The following ACO1 variants were observed in gnomAD, a reference collection of about 807,000 sequenced individuals.
The protein encoded by ACO1 is aconitase 1, also known as cytoplasmic aconitate hydratase.
In ACO1, 78 loss-of-function variants were observed where a neutral mutation model predicts 105.1. The ratio of observed to expected loss-of-function variants is 0.74; its 90% confidence interval spans 0.62 to 0.90. The LOEUF (loss-of-function observed/expected upper bound fraction) is 0.90. Ranked by LOEUF, ACO1 falls within the 40% of genes least tolerant of loss-of-function variation. The pLI is 0.00. For synonymous variants in ACO1, 364 were observed against 397.4 expected, an observed-to-expected ratio of 0.92 and a Z score of 1.00; for missense variants, 965 against 1,111.1, an observed-to-expected ratio of 0.87 and a Z score of 1.87.
intron 8 of ACO1, among the ~76,000 whole-genome samples, chr9:32,423,103 A>G (rs561932722): frequency 6.6e-6 from 1 of 152,322 alleles, no homozygotes; most frequent in East Asian, 1.9e-4. Context: ...TTTGATAGGA[A>G]CAGCACATTC....
At position 32,444,027 on chromosome 9, in the gene ACO1, G is replaced by A. The variant is rs144038649; in HGVS notation, c.2370+3440G>A. ...GATGTTCCCCTCCCTGTGTTCATGG[G>A]TTCTCATTGTTCAACTCCCACTTAT... On this transcript the variant is annotated intron_variant, in intron 19 of 20. Transcript: ENST00000309951. 1.1e-3 allele frequency among the ~76,000 whole-genome samples: 158 copies of A among 149,308 alleles called. 1 individual carries two copies. Among genetic ancestry groups the A allele is most frequent in the African/African-American group, 3.8e-3 (153 of 40,524 alleles).
At chr9:32,399,966 G>GTTTTTTTTTTTTTT (rs57615512) in intron 1 of ACO1, among the ~76,000 whole-genome samples, 9 of 69,842 alleles carry the variant, frequency 1.3e-4, no homozygotes, top group Admixed American at 2.2e-4. Flanking sequence ...TTCTTTTTCT[G>GTTTTTTTTTTTTTT]TTTTTTTTTT....
chr9:32,430,647 C>A, intron 14 of ACO1, 73 bp downstream of exon 14: 1 of 1,478,686 alleles, frequency 6.8e-7, no homozygotes, highest in African/African-American at 1.4e-5. Flanking sequence ...AACTGCTTTC[C>A]TTAATAAGAA....
Position 32,391,138 on chromosome 9 carries a change from G to A in ACO1, c.-23+6403G>A, listed in dbSNP as rs144192323. On this transcript the variant is annotated intron_variant, in intron 1 of 20. Coordinates refer to ENST00000309951, the MANE Select transcript of ACO1 (RefSeq NM_002197.3). Reference sequence around the variant, plus strand: ...AGTTCCCAGAATATGCAGTGCTTTCGTGTGTTACCTCATTTAATTATCCTA... The same window carrying A: ...AGTTCCCAGAATATGCAGTGCTTTCATGTGTTACCTCATTTAATTATCCTA... Among the ~76,000 whole-genome samples the A allele has an allele frequency of 1.2e-3, 176 of 152,290 alleles. 1 individual carries two copies. In the East Asian group the frequency reaches 0.016, roughly 14 times the overall value.
At chr9:32,438,094 G>A (rs1822403024) in intron 18 of ACO1, among the ~76,000 whole-genome samples, 1 of 152,152 alleles carries the variant, frequency 6.6e-6, no homozygotes, top group South Asian at 2.1e-4. Context: ...GTGAAATTAA[G>A]AGCAACAAAA....
In ACO1 at chr9:32,393,418, G is replaced by A. The variant is rs374915557; in HGVS notation, c.-23+8683G>A. Among the ~76,000 whole-genome samples, 47 of 152,206 alleles carry A rather than the reference G, an allele frequency of 3.1e-4. 1 individual carries two copies. Among genetic ancestry groups the A allele is most frequent in the South Asian group, 1.2e-3 (6 of 4,810 alleles). ...CCTCCTAATAAATTTTGGTCAGACC[G>A]GTTGTCTGCTTTCAAACCCTGTCTC... is the stretch of plus-strand genomic sequence containing the variant. On this transcript the variant is annotated intron_variant, in intron 1 of 20. Transcript: ENST00000309951.
intron 8 of ACO1, among the ~76,000 whole-genome samples, chr9:32,421,516 A>T (rs1455007916): frequency 6.6e-6 from 1 of 152,192 alleles, no homozygotes; most frequent in Non-Finnish European, 1.5e-5. Flanking sequence ...CCCATACAGG[A>T]ACAGCACTCT....
chr9:32,385,707 C>T (rs1821144331), intron 1 of ACO1, among the ~76,000 whole-genome samples: 1 of 152,170 alleles, frequency 6.6e-6, no homozygotes. Context: ...TGCAATATCA[C>T]ATATCATGTA....
chr9:32,431,004 A>G (rs142305613), intron 14 of ACO1, among the ~76,000 whole-genome samples: 2,002 of 152,328 alleles, frequency 0.013, 18 homozygotes, highest in Non-Finnish European at 0.019. Context: ...TTCTAAGCCG[A>G]ATAGATAATA....
chr9:32,437,600 C>A (rs1273072043), intron 18 of ACO1, among the ~76,000 whole-genome samples: 3 of 152,122 alleles, frequency 2.0e-5, no homozygotes, highest in African/African-American at 7.2e-5. Flanking sequence ...CATTTACAAG[C>A]CCTGCATGAC....
intron 4 of ACO1, among the ~76,000 whole-genome samples, chr9:32,412,297 G>C (rs1460210888): frequency 6.6e-6 from 1 of 152,162 alleles, no homozygotes; most frequent in Non-Finnish European, 1.5e-5. Flanking sequence ...AAGCTACATG[G>C]AAAATGATGC....
At chr9:32,398,258 G>A (rs1168793878) in intron 1 of ACO1, among the ~76,000 whole-genome samples, 1 of 152,196 alleles carries the variant, frequency 6.6e-6, no homozygotes, top group Non-Finnish European at 1.5e-5. Context: ...AAGATGAGAT[G>A]GAGACCCTAA....
chr9:32,431,616 G>T, intron 14 of ACO1, 103 bp from the exon 15 acceptor site: 1 of 1,285,852 alleles, frequency 7.8e-7, no homozygotes, highest in South Asian at 1.4e-5. Context: ...GTTCACACGG[G>T]CTTTATAGAA....
At position 32,424,549 on chromosome 9, in the gene ACO1, G is replaced by T. The variant is rs774323213; in HGVS notation, c.1072G>T (p.Val358Phe). The T allele has an allele frequency of 6.2e-7, 1 of 1,605,708 alleles. No homozygotes were observed. Among genetic ancestry groups the T allele is most frequent in the Non-Finnish European group, 8.5e-7 (1 of 1,173,538 alleles). The change falls in exon 10 of 21, where the codon GTT becomes TTT. Residue 358 changes from valine (V) to phenylalanine (F), a missense_variant and splice_region_variant. Val to Phe is a conservative substitution (Grantham distance 50). Transcript: ENST00000309951. ...DPSQDPDFTQ[V>F]VELDLKTVVP... is the part of the protein sequence containing the mutation. ...AATTTCTTTTCTTTGGGGTCAACAG[G>T]TTGTGGAATTAGATTTGAAAACAGT...
At position 32,409,981 on chromosome 9, in the gene ACO1, T is replaced by C. The variant is rs537340030; in HGVS notation, c.404+1330T>C. Among the ~76,000 whole-genome samples, 7 of 152,384 alleles carry C rather than the reference T, an allele frequency of 4.6e-5. No individual in the cohort carries two copies. The East Asian group carries it at 1.3e-3, about 29-fold the overall frequency. On this transcript the variant is annotated intron_variant, in intron 4 of 20. Transcript: ENST00000309951. ...AAAATATGTGTACCATTTGTAATCC[T>C]AGCCCATTGAAGAGATGACTAAGTT...
chr9:32,436,351 TGAAC>T lies in ACO1; in HGVS notation c.2202_2205del (p.Asn735SerfsTer31). The T allele has an allele frequency of 6.2e-7, 1 of 1,614,202 alleles. No individual in the cohort carries two copies. The highest frequency in any genetic ancestry group is 8.5e-7 in the Non-Finnish European group (1 of 1,180,008). On this transcript the variant is annotated frameshift_variant, in exon 18 of 21. Transcript: ENST00000309951. LOFTEE classifies it high-confidence loss of function. ...AACATTCGCTTGTTAAACAGATTTT[TGAAC>T]AAGCAGGCACCACAGACTATCCATC...
intron 19 of ACO1, among the ~76,000 whole-genome samples, chr9:32,443,833 A>C (rs549557377): frequency 7.9e-5 from 12 of 152,240 alleles, no homozygotes; most frequent in African/African-American, 2.9e-4. Flanking sequence ...GCTGTATTTC[A>C]TTGTTGTGTT....
chr9:32,419,042 C>T lies in ACO1; in HGVS notation c.663C>T (p.Val221=), dbSNP rs199543469. Residue 221 remains valine (V), a synonymous_variant, in exon 7 of 21, where the codon GTC becomes GTT. Transcript: ENST00000309951. The part of the protein sequence containing the change: ...IDGLGILGWG[V]GGIEAEAVML... Reference sequence around the variant, plus strand: ...CGGTCATGCCGTTCATTGCAGGTGTCGGTGGTATTGAAGCAGAAGCTGTCA... The same window carrying T: ...CGGTCATGCCGTTCATTGCAGGTGTTGGTGGTATTGAAGCAGAAGCTGTCA... 410 of 1,597,294 alleles carry T rather than the reference C, an allele frequency of 2.6e-4. 3 individuals carry two copies. The highest frequency in any genetic ancestry group is 2.5e-3 in the South Asian group (221 of 88,862).
chr9:32,432,096 G>T (rs1422419043), intron 15 of ACO1, among the ~76,000 whole-genome samples: 1 of 152,086 alleles, frequency 6.6e-6, no homozygotes, highest in Non-Finnish European at 1.5e-5. Flanking sequence ...GCCTCCTCAG[G>T]TTCAGCTCTC....
Sources: gnomAD v4.1 joint callset for allele counts (sites outside exome capture counted in the v4.1 genomes callset) on GRCh38, gnomAD v4.1.1 for gene constraint, MANE v1.5 for transcripts, NCBI Gene and HGNC (gene_info 2026-07-23, HGNC 2026-07-21) for gene names.